The following GRK3 variants were observed in gnomAD, a reference collection of about 807,000 sequenced individuals.
GRK3 encodes adrenergic, beta, receptor kinase 2.
In GRK3, 54 loss-of-function variants were observed where a neutral mutation model predicts 95.7. The observed-to-expected ratio is 0.56, with a 90% CI of 0.45 to 0.71. The LOEUF is 0.71. Among genes scored for constraint, GRK3 ranks in the 30% least tolerant of loss-of-function variants. GRK3 has a pLI of 0.00. For missense variants in GRK3, 649 were observed against 851.2 expected, an observed-to-expected ratio of 0.76 and a Z score of 2.96; for synonymous variants, 281 against 290.8, an observed-to-expected ratio of 0.97 and a Z score of 0.34.
At chr22:25,669,852 T>TG (rs1465116912) in intron 6 of GRK3, among the ~76,000 whole-genome samples, 1 of 152,240 alleles carries the variant, frequency 6.6e-6, no homozygotes, top group African/African-American at 2.4e-5. Flanking sequence ...TCACCAGCTC[T>TG]GGACTCCAGA....
rs1283715312 is a variant in GRK3 at position 25,582,281 on chromosome 22, C to CA, written c.113+17140dup. Among the ~76,000 whole-genome samples the CA allele has an allele frequency of 5.1e-3, 668 of 131,180 alleles. 2 individuals carry two copies. The highest frequency in any genetic ancestry group is 0.012 in the East Asian group (53 of 4,590). The allele number at this position is 131,180 out of a possible 152,430, so 86.1% of individuals were successfully genotyped here. A position where few individuals can be genotyped will look rare whatever the true frequency, so the allele number is the denominator to read the frequency against. ...CAGGTGACAGAGCAATACCCTGTCT[C>CA]AAAAAAAAAAAAGAGTGTGTTGCTC... is the stretch of plus-strand genomic sequence containing the variant. On this transcript the variant is annotated intron_variant, in intron 1 of 20. Transcript: ENST00000324198.
Position 25,688,865 on chromosome 22 carries a change from G to A in GRK3, c.957+1198G>A, listed in dbSNP as rs188493757. 2.8e-3 allele frequency among the ~76,000 whole-genome samples: 422 copies of A among 152,306 alleles called. 2 individuals carry two copies. Among genetic ancestry groups the A allele is most frequent in the Non-Finnish European group, 3.2e-3 (219 of 67,994 alleles). On this transcript the variant is annotated intron_variant, in intron 11 of 20. Transcript: ENST00000324198. Reference sequence around the variant, plus strand: ...CATAGAAATGCGTAAATTGTAATAAGAAAAATGATGGGACTGACAATTTGC... The same window carrying A: ...CATAGAAATGCGTAAATTGTAATAAAAAAAATGATGGGACTGACAATTTGC...
chr22:25,625,465 G>A (rs2084620464), intron 2 of GRK3, among the ~76,000 whole-genome samples: 1 of 152,188 alleles, frequency 6.6e-6, no homozygotes, highest in African/African-American at 2.4e-5. Context: ...ACCAGCATCT[G>A]GGAAGATGCC....
At chr22:25,667,394 C>G (rs757362773) in intron 5 of GRK3, among the ~76,000 whole-genome samples, 1 of 152,116 alleles carries the variant, frequency 6.6e-6, no homozygotes. Flanking sequence ...ATGGCAACAA[C>G]AGAGCTTTAA....
At position 25,713,425 on chromosome 22, in the gene GRK3, T is replaced by C. The variant is rs988597735; in HGVS notation, c.1492-983T>C. On this transcript the variant is annotated intron_variant, in intron 17 of 20. Coordinates refer to ENST00000324198, the MANE Select transcript of GRK3 (RefSeq NM_005160.4). ...AATAGATCAATGAGACTGGATGGAGTAGGCCCCATATTGGCATGTGGGATG... is the reference window on the plus strand; with the variant it reads ...AATAGATCAATGAGACTGGATGGAGCAGGCCCCATATTGGCATGTGGGATG... Among the ~76,000 whole-genome samples, 4 of 152,150 alleles carry C rather than the reference T, an allele frequency of 2.6e-5. No homozygotes were observed. In the East Asian group the frequency reaches 7.7e-4, roughly 29 times the overall value.
At chr22:25,567,451 G>A (rs1931530610) in intron 1 of GRK3, among the ~76,000 whole-genome samples, 1 of 152,190 alleles carries the variant, frequency 6.6e-6, no homozygotes, top group African/African-American at 2.4e-5. Flanking sequence ...TGATTTGGAG[G>A]TTGGGGGTTG....
intron 7 of GRK3, among the ~76,000 whole-genome samples, chr22:25,673,399 A>G (rs998390249): frequency 3.3e-5 from 5 of 151,608 alleles, no homozygotes; most frequent in Non-Finnish European, 5.9e-5. Context: ...GATCTTCACT[A>G]AAAGGCCAAG....
In GRK3 at chr22:25,695,679, G is replaced by C. The variant is rs190011033; in HGVS notation, c.1160+465G>C. On this transcript the variant is annotated intron_variant, in intron 13 of 20. Transcript: ENST00000324198. ...TTTATTTTGTTTTGTTTTTAGACAA[G>C]TTCTCTCTCTGTTGCCTGGCTGCAG... is the stretch of plus-strand genomic sequence containing the variant. Among the ~76,000 whole-genome samples the C allele has an allele frequency of 1.7e-3, 254 of 151,998 alleles. 2 individuals are homozygous for C. In the Middle Eastern group the frequency reaches 0.024, roughly 14 times the overall value.
At chr22:25,642,049 TG>T in intron 2 of GRK3, among the ~76,000 whole-genome samples, 2 of 152,220 alleles carry the variant, frequency 1.3e-5, no homozygotes, top group Non-Finnish European at 2.9e-5. Context: ...AAGAAATACA[TG>T]TGGCAAAAAC....
intron 2 of GRK3, among the ~76,000 whole-genome samples, chr22:25,640,910 G>A (rs373152595): frequency 6.6e-6 from 1 of 152,172 alleles, no homozygotes; most frequent in South Asian, 2.1e-4. Flanking sequence ...AAATTGCAGC[G>A]ATGAAGTGAA....
chr22:25,688,800 T>C (rs1348033229), intron 11 of GRK3, among the ~76,000 whole-genome samples: 1 of 152,184 alleles, frequency 6.6e-6, no homozygotes, highest in African/African-American at 2.4e-5. Context: ...CAGGCAGGCA[T>C]GGAGAAAAAG....
intron 2 of GRK3, among the ~76,000 whole-genome samples, chr22:25,621,794 C>G (rs1285600757): frequency 6.6e-6 from 1 of 152,178 alleles, no homozygotes; most frequent in Non-Finnish European, 1.5e-5. Context: ...ATCCTCTCCT[C>G]TTGAGGTCCC....
intron 17 of GRK3, 28 bp from the exon 18 acceptor site, chr22:25,714,380 A>C (rs753465638): frequency 6.3e-7 from 1 of 1,588,148 alleles, no homozygotes; most frequent in Non-Finnish European, 8.6e-7. Context: ...GTTAAATCAT[A>C]AATATCTTGA....
intron 3 of GRK3, among the ~76,000 whole-genome samples, chr22:25,652,536 G>C (rs1159074599): frequency 6.6e-6 from 1 of 152,126 alleles, no homozygotes; most frequent in African/African-American, 2.4e-5. Flanking sequence ...AAAATGCAGG[G>C]GAGGTTAATG....
chr22:25,643,340 C>G (rs2084756972), intron 2 of GRK3, among the ~76,000 whole-genome samples: 1 of 152,202 alleles, frequency 6.6e-6, no homozygotes, highest in Non-Finnish European at 1.5e-5. Context: ...TCATTCTACT[C>G]TAGTTTGAGT....
At chr22:25,680,843 C>A (rs1194750909) in intron 9 of GRK3, among the ~76,000 whole-genome samples, 1 of 151,718 alleles carries the variant, frequency 6.6e-6, no homozygotes, top group South Asian at 2.1e-4. Context: ...TTGAAAATAC[C>A]CTCATTAAGT....
At chr22:25,619,238 A>G (rs994345567) in intron 2 of GRK3, among the ~76,000 whole-genome samples, 1 of 152,164 alleles carries the variant, frequency 6.6e-6, no homozygotes, top group African/African-American at 2.4e-5. Context: ...GGCTGTATCC[A>G]TACAGTTTGG....
intron 18 of GRK3, among the ~76,000 whole-genome samples, chr22:25,715,321 C>T (rs1289481867): frequency 1.3e-5 from 2 of 152,136 alleles, no homozygotes; most frequent in Admixed American, 6.5e-5. Context: ...CAAGACCAGC[C>T]TGGGCAACAT....
intron 8 of GRK3, among the ~76,000 whole-genome samples, chr22:25,677,585 G>A (rs2085041822): frequency 6.6e-6 from 1 of 152,110 alleles, no homozygotes; most frequent in South Asian, 2.1e-4. Context: ...TTGATTTGTT[G>A]TAAGAACTCG....
Sources: allele counts gnomAD v4.1 joint callset (sites outside exome capture counted in the v4.1 genomes callset), GRCh38; gene constraint gnomAD v4.1.1; transcripts MANE v1.5; gene names NCBI Gene and HGNC (gene_info 2026-07-23, HGNC 2026-07-21).